PCNT: variants seen among roughly 807,000 people sequenced by gnomAD.
The protein encoded by PCNT is pericentrin.
A neutral mutation model predicts 380.4 loss-of-function variants in PCNT; 319 were observed. That is an observed-to-expected ratio of 0.84 (90% confidence interval 0.77 to 0.92). The LOEUF (loss-of-function observed/expected upper bound fraction) is 0.92, where lower values mean the gene tolerates loss of function less well. Among genes scored for constraint, PCNT ranks in the 40% least tolerant of loss-of-function variants. PCNT has a pLI of 0.00. For missense variants in PCNT, 4,400 were observed against 4,255.3 expected, an observed-to-expected ratio of 1.03 and a Z score of -0.95; for synonymous variants, 1,845 against 1,735.2, an observed-to-expected ratio of 1.06 and a Z score of -1.57.
chr21:46,375,444 C>A (rs1211876315), intron 15 of PCNT, among the ~76,000 whole-genome samples: 1 of 152,152 alleles, frequency 6.6e-6, no homozygotes, highest in African/African-American at 2.4e-5. Flanking sequence ...TGATATTTTT[C>A]TATAATTGTG....
In PCNT at chr21:46,334,531, A is replaced by G. The variant is rs1334800926; in HGVS notation, c.402A>G (p.Thr134=). 1 of 1,601,740 alleles carries G rather than the reference A, an allele frequency of 6.2e-7. No individual in the cohort carries two copies. Among genetic ancestry groups the G allele is most frequent in the Admixed American group, 1.7e-5 (1 of 59,710 alleles). ...CACCAGAACAGCATGGGATGTTCAC[A>G]GTCGGTGACCACCCACCAGAACAGC... is the stretch of plus-strand genomic sequence containing the variant. ...DHPPEQHGMF[T]VGDHPPEQRG... Residue 134 remains threonine, a synonymous_variant, in exon 3 of 47, where the codon ACA becomes ACG. Transcript: ENST00000359568.
intron 3 of PCNT, among the ~76,000 whole-genome samples, chr21:46,335,962 G>A (rs946913243): frequency 6.6e-6 from 1 of 152,034 alleles, no homozygotes; most frequent in African/African-American, 2.4e-5. Context: ...ACAGGCGTAA[G>A]CCACTGCACT....
At chr21:46,411,079 G>T (rs556901459) in intron 27 of PCNT, 110 bp from the exon 28 acceptor site, 2 of 1,150,632 alleles carry the variant, frequency 1.7e-6, no homozygotes, top group Non-Finnish European at 2.6e-6. Context: ...TGTTTTTCAC[G>T]CTATGGAGTC....
chr21:46,440,250 T>C, intron 42 of PCNT, 48 bp downstream of exon 42: 1 of 1,608,550 alleles, frequency 6.2e-7, no homozygotes, highest in African/African-American at 1.3e-5. Flanking sequence ...TTTTAAGTCC[T>C]GGGTTTGCAA....
chr21:46,431,633 T>TC lies in PCNT; in HGVS notation c.8169_8170insC (p.Ile2724HisfsTer19), dbSNP rs1031545196. On this transcript the variant is annotated frameshift_variant, in exon 38 of 47. Transcript: ENST00000359568. LOFTEE classifies it high-confidence loss of function. ...AGGACAACCTGCAGAAGGAGCTGCG[T>TC]ATCGAGCACTCACGCTGCGAGGCCT... 1 of 1,613,828 alleles carries TC rather than the reference T, an allele frequency of 6.2e-7. No individual in the cohort carries two copies. The highest frequency in any genetic ancestry group is 8.5e-7 in the Non-Finnish European group (1 of 1,179,924).
chr21:46,359,308 C>T (rs2084600530), intron 13 of PCNT, among the ~76,000 whole-genome samples: 3 of 144,716 alleles, frequency 2.1e-5, no homozygotes, highest in Non-Finnish European at 3.1e-5. Flanking sequence ...ACCATTTTAC[C>T]TCCTTATATC....
intron 21 of PCNT, 68 bp from the exon 22 acceptor site, chr21:46,397,197 T>C: frequency 8.4e-7 from 1 of 1,196,460 alleles, no homozygotes; most frequent in South Asian, 1.2e-5. Flanking sequence ...CATCAGGAGA[T>C]GCACGTGTCA....
At chr21:46,329,132 A>G (rs894132979) in intron 2 of PCNT, among the ~76,000 whole-genome samples, 3 of 152,266 alleles carry the variant, frequency 2.0e-5, no homozygotes, top group African/African-American at 7.2e-5. Flanking sequence ...TCAGGATCCT[A>G]TCAGAAAACC....
chr21:46,411,414 G>T lies in PCNT; in HGVS notation c.5341G>T (p.Gly1781Trp). ...LQSELLCSQA[G>W]GPRGQALQGE... Reference sequence around the variant, plus strand: ...GAGCGAGCTGCTCTGCTCCCAGGCCGGGGGCCCTCGTGGGCAGGCCCTACA... The same window carrying T: ...GAGCGAGCTGCTCTGCTCCCAGGCCTGGGGCCCTCGTGGGCAGGCCCTACA... The change falls in exon 28 of 47, where the codon GGG becomes TGG. Residue 1781 changes from glycine to tryptophan, a missense_variant. Physicochemically the swap from Gly to Trp is radical, Grantham distance 184 (BLOSUM62 -2). Coordinates refer to ENST00000359568, the MANE Select transcript of PCNT (RefSeq NM_006031.6). 6.2e-7 allele frequency: 1 copy of T among 1,613,038 alleles called. No individual in the cohort carries two copies. The highest frequency in any genetic ancestry group is 8.5e-7 in the Non-Finnish European group (1 of 1,179,860).
At chr21:46,406,822 T>C (rs1275481051) in intron 27 of PCNT, among the ~76,000 whole-genome samples, 1 of 152,262 alleles carries the variant, frequency 6.6e-6, no homozygotes, top group Non-Finnish European at 1.5e-5. Flanking sequence ...ATTTTTCTCT[T>C]TTATTCTACT....
chr21:46,416,104 G>C lies in PCNT; in HGVS notation c.6186G>C (p.Pro2062=), dbSNP rs780633435. ...KEKVLEDCQL[P]KVDLVAQVKQ... is the part of the protein sequence containing the mutation. Reference sequence around the variant, plus strand: ...AAGTACTGGAAGATTGTCAGCTGCCGAAGGTCGATCTCGTAGCTCAGGTGA... The same window carrying C: ...AAGTACTGGAAGATTGTCAGCTGCCCAAGGTCGATCTCGTAGCTCAGGTGA... The change falls in exon 30 of 47, where the codon CCG becomes CCC. Residue 2062 remains proline, a synonymous_variant. Coordinates refer to ENST00000359568, the MANE Select transcript of PCNT (RefSeq NM_006031.6). 5.6e-6 allele frequency: 9 copies of C among 1,614,040 alleles called. No individual in the cohort carries two copies. Among genetic ancestry groups the C allele is most frequent in the Non-Finnish European group, 7.6e-6 (9 of 1,180,032 alleles).
intron 33 of PCNT, 90 bp downstream of exon 33, chr21:46,426,061 A>ATT (rs2087483448): frequency 2.4e-6 from 1 of 421,648 alleles, no homozygotes; most frequent in Admixed American, 4.0e-5. Flanking sequence ...GGACACTAGG[A>ATT]TTTCTTTCTT....
Position 46,394,026 on chromosome 21 carries a change from G to C in PCNT, c.4216+2650G>C, listed in dbSNP as rs188835839. Among the ~76,000 whole-genome samples, 378 of 152,322 alleles carry C rather than the reference G, an allele frequency of 2.5e-3. 2 individuals are homozygous for C. Among genetic ancestry groups the C allele is most frequent in the Admixed American group, 4.1e-3 (63 of 15,310 alleles). On this transcript the variant is annotated intron_variant, in intron 21 of 46. Coordinates refer to ENST00000359568, the MANE Select transcript of PCNT (RefSeq NM_006031.6). ...ACTGGGAAATTCTCGTTGTTTCTCT[G>C]GGGTCCTCTTTGTTTGCTTTCCTTT... is the stretch of plus-strand genomic sequence containing the variant.
At chr21:46,431,050 G>A (rs977550210) in intron 37 of PCNT, 1 of 985,368 alleles carries the variant, frequency 1.0e-6, no homozygotes, top group Non-Finnish European at 1.2e-6. Flanking sequence ...TGTGGCTTCT[G>A]AGCAAGTCTG....
chr21:46,334,520 G>C lies in PCNT; in HGVS notation c.391G>C (p.Gly131Arg), dbSNP rs764829136. 26 of 1,601,828 alleles carry C rather than the reference G, an allele frequency of 1.6e-5. No homozygotes were observed. Among genetic ancestry groups the C allele is most frequent in the Non-Finnish European group, 2.1e-5 (25 of 1,171,524 alleles). Residue 131 changes from glycine (G) to arginine (R), a missense_variant, in exon 3 of 47, where the codon GGG becomes CGG. By Grantham distance (125) the Gly-to-Arg change is moderately radical. Transcript: ENST00000359568. The part of the protein sequence containing the change: ...TVSDHPPEQH[G>R]MFTVGDHPPE... ...CAGTGACCACCCACCAGAACAGCATGGGATGTTCACAGTCGGTGACCACCC... is the reference window on the plus strand; with the variant it reads ...CAGTGACCACCCACCAGAACAGCATCGGATGTTCACAGTCGGTGACCACCC...
At chr21:46,361,898 G>A (rs994569428) in intron 13 of PCNT, among the ~76,000 whole-genome samples, 3 of 152,150 alleles carry the variant, frequency 2.0e-5, no homozygotes, top group African/African-American at 4.8e-5. Context: ...TTTTGTCTTG[G>A]TGTTGGTTTC....
At position 46,324,264 on chromosome 21, in the gene PCNT, G is replaced by T; in HGVS notation, c.36G>T (p.Val12=). The change falls in exon 1 of 47, where the codon GTG becomes GTT. Residue 12 remains valine (V), a synonymous_variant. Transcript: ENST00000359568. ...AGCAAGAGCAGCGGCGCAGAAAGGTGGAGGCCGGGAGGACGAAGGTAAACA... is the reference window on the plus strand; with the variant it reads ...AGCAAGAGCAGCGGCGCAGAAAGGTTGAGGCCGGGAGGACGAAGGTAAACA... ...EVEQEQRRRK[V]EAGRTKLAHF... 1 of 1,611,822 alleles carries T rather than the reference G, an allele frequency of 6.2e-7. No individual in the cohort carries two copies. Among genetic ancestry groups the T allele is most frequent in the Non-Finnish European group, 8.5e-7 (1 of 1,178,918 alleles).
In PCNT at chr21:46,440,094, G is replaced by T. The variant is rs748429365; in HGVS notation, c.9285G>T (p.Arg3095Ser). The change falls in exon 42 of 47, where the codon AGG becomes AGT. Residue 3095 changes from arginine (R) to serine (S), a missense_variant. Arg to Ser is a moderately radical substitution (Grantham distance 110). Coordinates refer to ENST00000359568, the MANE Select transcript of PCNT (RefSeq NM_006031.6). ...GTGCTTCCTTACAGAGGTCGGAAAG[G>T]TCTGCTTGGAAGCCAGACGAAACGG... is the stretch of plus-strand genomic sequence containing the variant. ...QKGCSPSRSE[R>S]SAWKPDETAP... 3 of 1,614,006 alleles carry T rather than the reference G, an allele frequency of 1.9e-6. No homozygotes were observed. The African/African-American group carries it at 4.0e-5, about 22-fold the overall frequency.
chr21:46,386,786 AGTT>A (rs1284979211), intron 17 of PCNT, among the ~76,000 whole-genome samples: 3 of 152,124 alleles, frequency 2.0e-5, no homozygotes, highest in Non-Finnish European at 4.4e-5. Flanking sequence ...GAGCCTGCAG[AGTT>A]GTTCTTGCTT....
Sources: gnomAD v4.1 joint callset for allele counts (sites outside exome capture counted in the v4.1 genomes callset) on GRCh38, gnomAD v4.1.1 for gene constraint, MANE v1.5 for transcripts, NCBI Gene and HGNC (gene_info 2026-07-23, HGNC 2026-07-21) for gene names.